The following MYRIP variants were observed in gnomAD, a reference collection of about 807,000 sequenced individuals.
The protein encoded by MYRIP is myosin VIIA and Rab interacting protein, also known as rab effector MyRIP.
Under a neutral mutation model 98.0 loss-of-function variants are expected in MYRIP, and 49 were observed. The observed-to-expected ratio is 0.50, with a 90% CI of 0.40 to 0.63. The LOEUF is 0.63. Ranked by LOEUF, MYRIP falls within the 30% of genes least tolerant of loss-of-function variation. The probability of loss-of-function intolerance (pLI) is 0.00; values close to 1 mark genes in which losing one functional copy is unlikely to be tolerated. For missense variants in MYRIP, 1,004 were observed against 1,058.2 expected, an observed-to-expected ratio of 0.95 and a Z score of 0.71; for synonymous variants, 404 against 409.5, an observed-to-expected ratio of 0.99 and a Z score of 0.16.
At chr3:39,972,385 T>C (rs1300068392) in intron 2 of MYRIP, among the ~76,000 whole-genome samples, 1 of 152,182 alleles carries the variant, frequency 6.6e-6, no homozygotes, top group East Asian at 1.9e-4. Context: ...TGTTTTTGGG[T>C]GAAAATAGCA....
intron 2 of MYRIP, among the ~76,000 whole-genome samples, chr3:40,000,211 A>T (rs1453201601): frequency 6.6e-6 from 1 of 152,204 alleles, no homozygotes; most frequent in Non-Finnish European, 1.5e-5. Flanking sequence ...TTAAAAAAAA[A>T]AGAACTTTTA....
intron 2 of MYRIP, among the ~76,000 whole-genome samples, chr3:40,024,549 T>A (rs1030496639): frequency 6.6e-5 from 10 of 151,244 alleles, no homozygotes; most frequent in African/African-American, 2.4e-4. Context: ...GTCTCCTCTG[T>A]AGGCTAGATG....
intron 3 of MYRIP, among the ~76,000 whole-genome samples, chr3:40,106,454 G>A (rs1949052286): frequency 6.6e-6 from 1 of 151,224 alleles, no homozygotes. Context: ...TATTTATTTT[G>A]GGCTTTGTTT....
intron 3 of MYRIP, among the ~76,000 whole-genome samples, chr3:40,139,233 C>A (rs1037259869): frequency 6.6e-6 from 1 of 151,846 alleles, no homozygotes; most frequent in Admixed American, 6.6e-5. Flanking sequence ...TTAAATTATC[C>A]TTTTTGGGGG....
At chr3:40,035,010 G>A in intron 2 of MYRIP, among the ~76,000 whole-genome samples, 1 of 145,014 alleles carries the variant, frequency 6.9e-6, no homozygotes, top group East Asian at 2.1e-4. Context: ...ACTCATAGGT[G>A]GGAATTGAAC....
chr3:40,153,387 G>A (rs1950158564), intron 4 of MYRIP, among the ~76,000 whole-genome samples: 1 of 152,198 alleles, frequency 6.6e-6, no homozygotes, highest in Non-Finnish European at 1.5e-5. Context: ...CTGGTTGTGT[G>A]AGAAGACTCA....
rs569973507 is a variant in MYRIP, at chr3:39,837,297, A to G, written c.-31+27381A>G. 1.4e-3 allele frequency among the ~76,000 whole-genome samples: 213 copies of G among 152,270 alleles called. 5 individuals carry two copies. In the South Asian group the frequency reaches 0.042, roughly 30 times the overall value. On this transcript the variant is annotated intron_variant, in intron 1 of 16. Transcript: ENST00000302541. ...AGTCATGAAGTCTTTGCCCTTGCCT[A>G]TGTCCCGAATGGTACTGCTTAAGTT...
chr3:40,221,599 C>A (rs1952338975), intron 11 of MYRIP, among the ~76,000 whole-genome samples: 1 of 152,098 alleles, frequency 6.6e-6, no homozygotes, highest in Non-Finnish European at 1.5e-5. Flanking sequence ...CCACTGCACT[C>A]CACCTTGGGT....
intron 4 of MYRIP, among the ~76,000 whole-genome samples, chr3:40,161,176 C>T (rs1426349183): frequency 1.3e-5 from 2 of 152,208 alleles, no homozygotes; most frequent in African/African-American, 2.4e-5. Flanking sequence ...TTCATGTCAT[C>T]TAGCTGCTTA....
chr3:40,044,199 A>C lies in MYRIP; in HGVS notation c.260A>C (p.Asn87Thr), dbSNP rs200269246. The C allele has an allele frequency of 6.2e-7, 1 of 1,614,136 alleles. No homozygotes were observed. The highest frequency in any genetic ancestry group is 2.2e-5 in the East Asian group (1 of 44,864). The change falls in exon 3 of 17, where the codon AAT (asparagine) becomes ACT (threonine). Residue 87 changes from asparagine to threonine, a missense_variant. By Grantham distance (65) the Asn-to-Thr change is moderately conservative. This residue lies in a region of MYRIP where 880 missense variants were observed against 907.7 expected (regional missense o/e 0.97). Coordinates refer to ENST00000302541, the MANE Select transcript of MYRIP (RefSeq NM_015460.4). Reference sequence around the variant, plus strand: ...CGCCAGTGTGGAGATTGCAAATTCAATGTCTGCAAGAGCTGCTGCTCCTAC... The same window carrying C: ...CGCCAGTGTGGAGATTGCAAATTCACTGTCTGCAAGAGCTGCTGCTCCTAC... ...TKRQCGDCKF[N>T]VCKSCCSYQK...
chr3:40,183,920 G>A (rs1385332078), intron 9 of MYRIP, among the ~76,000 whole-genome samples: 1 of 152,142 alleles, frequency 6.6e-6, no homozygotes, highest in South Asian at 2.1e-4. Context: ...ACAGTGCAAA[G>A]AATCAGAAAA....
chr3:39,821,343 C>T (rs374550127), intron 1 of MYRIP, among the ~76,000 whole-genome samples: 19 of 152,140 alleles, frequency 1.2e-4, no homozygotes, highest in South Asian at 2.1e-4. Flanking sequence ...CACCCCGCCC[C>T]GACTTAGTGC....
chr3:39,831,662 A>G lies in MYRIP; in HGVS notation c.-31+21746A>G, dbSNP rs143942167. On this transcript the variant is annotated intron_variant, in intron 1 of 16. Coordinates refer to ENST00000302541, the MANE Select transcript of MYRIP (RefSeq NM_015460.4). The stretch of plus-strand genomic sequence containing the variant: ...GATTTATATCTATATTTCATAAAAT[A>G]CACAGTTGAAAAAATAAATCAGTAT... Among the ~76,000 whole-genome samples the G allele has an allele frequency of 2.3e-3, 343 of 152,340 alleles. 1 individual carries two copies. Among genetic ancestry groups the G allele is most frequent in the Non-Finnish European group, 3.9e-3 (267 of 68,040 alleles).
chr3:40,078,272 G>A (rs1484772262), intron 3 of MYRIP, among the ~76,000 whole-genome samples: 11 of 152,172 alleles, frequency 7.2e-5, no homozygotes, highest in Non-Finnish European at 1.3e-4. Flanking sequence ...GCCCGAAAGC[G>A]CTGTGTGCAG....
chr3:40,040,932 GTAAC>G (rs1947501409), intron 2 of MYRIP, among the ~76,000 whole-genome samples: 1 of 74,646 alleles, frequency 1.3e-5, no homozygotes, highest in African/African-American at 4.8e-5. Flanking sequence ...GTATACATAT[GTAAC>G]TAACCTGCAC....
At chr3:40,197,692 T>G (rs1217876965) in intron 10 of MYRIP, among the ~76,000 whole-genome samples, 1 of 152,236 alleles carries the variant, frequency 6.6e-6, no homozygotes, top group Non-Finnish European at 1.5e-5. Flanking sequence ...ATTGAAAATC[T>G]GTATTATTAC....
chr3:40,151,983 T>C (rs1488795273), intron 4 of MYRIP, among the ~76,000 whole-genome samples: 1 of 152,246 alleles, frequency 6.6e-6, no homozygotes, highest in East Asian at 1.9e-4. Context: ...TTTGGTTGTA[T>C]CTTATCTAAA....
At chr3:40,245,331 C>T (rs1379316282) in intron 13 of MYRIP, among the ~76,000 whole-genome samples, 2 of 152,096 alleles carry the variant, frequency 1.3e-5, no homozygotes, top group African/African-American at 4.8e-5. Flanking sequence ...ATTCTTGGGA[C>T]CCATGACAAT....
At chr3:39,932,519 C>A (rs564434538) in intron 2 of MYRIP, among the ~76,000 whole-genome samples, 1 of 152,196 alleles carries the variant, frequency 6.6e-6, no homozygotes, top group South Asian at 2.1e-4. Flanking sequence ...CGCCACCATG[C>A]CCAGCTAAAT....
Sources: allele counts gnomAD v4.1 joint callset (sites outside exome capture counted in the v4.1 genomes callset), GRCh38; gene constraint gnomAD v4.1.1; regional missense constraint gnomAD v4.1.1; transcripts MANE v1.5; gene names NCBI Gene and HGNC (gene_info 2026-07-23, HGNC 2026-07-21).